Variants in TMEM132C observed in about 807,000 individuals in gnomAD.
The protein encoded by TMEM132C is protein phosphatase 1, regulatory subunit 152.
Under a neutral mutation model 61.4 loss-of-function variants are expected in TMEM132C, and 29 were observed. That is an observed-to-expected ratio of 0.47 (90% CI 0.35 to 0.64). TMEM132C has a LOEUF of 0.64. Ranked by LOEUF, TMEM132C falls within the 30% of genes least tolerant of loss-of-function variation. The pLI is 0.00. For missense variants in TMEM132C, 1,408 were observed against 1,476.9 expected, an observed-to-expected ratio of 0.95 and a Z score of 0.76; for synonymous variants, 656 against 633.1, an observed-to-expected ratio of 1.04 and a Z score of -0.54.
At chr12:128,360,282 C>CA (rs1873661543) in intron 1 of TMEM132C, among the ~76,000 whole-genome samples, 1 of 133,224 alleles carries the variant, frequency 7.5e-6, no homozygotes, top group African/African-American at 2.8e-5. Context: ...ACACACACAC[C>CA]CCAGGATAAC....
At chr12:128,369,085 T>A (rs1048148064) in intron 1 of TMEM132C, among the ~76,000 whole-genome samples, 2 of 152,242 alleles carry the variant, frequency 1.3e-5, no homozygotes, top group Non-Finnish European at 2.9e-5. Context: ...GTAAGTCTAG[T>A]AAGGCATTTA....
chr12:128,383,306 G>A (rs1381212744), intron 1 of TMEM132C, among the ~76,000 whole-genome samples: 2 of 152,170 alleles, frequency 1.3e-5, no homozygotes, highest in Admixed American at 6.5e-5. Flanking sequence ...GTGGGCAAGG[G>A]GTGGATGCAT....
chr12:128,421,725 A>G (rs1263170314), intron 2 of TMEM132C, among the ~76,000 whole-genome samples: 1 of 152,232 alleles, frequency 6.6e-6, no homozygotes, highest in African/African-American at 2.4e-5. Context: ...GGTGTGGAAG[A>G]TGGAACCTTT....
chr12:128,602,411 A>G (rs1163752951), intron 3 of TMEM132C, among the ~76,000 whole-genome samples: 1 of 152,194 alleles, frequency 6.6e-6, no homozygotes, highest in Non-Finnish European at 1.5e-5. Flanking sequence ...TTTCCAGTTG[A>G]AACTTGGTTG....
chr12:128,637,570 G>T (rs1954113672), intron 4 of TMEM132C, among the ~76,000 whole-genome samples: 1 of 152,160 alleles, frequency 6.6e-6, no homozygotes, highest in African/African-American at 2.4e-5. Flanking sequence ...TTTTTAAGTG[G>T]TTTTTATTTT....
At chr12:128,370,850 T>G (rs187450542) in intron 1 of TMEM132C, among the ~76,000 whole-genome samples, 38 of 152,198 alleles carry the variant, frequency 2.5e-4, no homozygotes, top group African/African-American at 8.4e-4. Context: ...ATTCAACTTA[T>G]CCTGCACGGC....
chr12:128,413,314 A>AAAAAC (rs1565928623), intron 1 of TMEM132C, among the ~76,000 whole-genome samples: 3 of 150,768 alleles, frequency 2.0e-5, no homozygotes, highest in Admixed American at 1.3e-4. Flanking sequence ...AAAAAAAAAA[A>AAAAAC]AAAAAAACCA....
chr12:128,270,923 A>G (rs1422509909), intron 1 of TMEM132C, among the ~76,000 whole-genome samples: 1 of 152,008 alleles, frequency 6.6e-6, no homozygotes, highest in Non-Finnish European at 1.5e-5. Context: ...TGTTTTATCC[A>G]TACAATTTTT....
intron 2 of TMEM132C, among the ~76,000 whole-genome samples, chr12:128,538,788 C>T (rs1475414142): frequency 6.6e-6 from 1 of 152,060 alleles, no homozygotes; most frequent in Non-Finnish European, 1.5e-5. Flanking sequence ...TCTCTTTTCT[C>T]CCCCACATAA....
At chr12:128,450,778 CG>C (rs571650737) in intron 2 of TMEM132C, among the ~76,000 whole-genome samples, 66 of 152,254 alleles carry the variant, frequency 4.3e-4, no homozygotes, top group African/African-American at 1.5e-3. Context: ...AAGGCAATTA[CG>C]GAAATTCAAG....
At chr12:128,507,384 C>CTTTTT (rs573964437) in intron 2 of TMEM132C, among the ~76,000 whole-genome samples, 1 of 111,582 alleles carries the variant, frequency 9.0e-6, no homozygotes. Context: ...GTGTTTTTTT[C>CTTTTT]TTTTTTTTTT....
chr12:128,611,734 A>C (rs1364011695), intron 3 of TMEM132C, among the ~76,000 whole-genome samples: 1 of 152,214 alleles, frequency 6.6e-6, no homozygotes, highest in East Asian at 1.9e-4. Flanking sequence ...TAAAAAGTGA[A>C]GGTTCTTATA....
At chr12:128,605,360 C>G (rs1373291919) in intron 3 of TMEM132C, among the ~76,000 whole-genome samples, 2 of 152,184 alleles carry the variant, frequency 1.3e-5, no homozygotes, top group Non-Finnish European at 2.9e-5. Flanking sequence ...TTCCCTCTTA[C>G]TCTGGGGAGA....
At chr12:128,473,505 A>G (rs1208139320) in intron 2 of TMEM132C, among the ~76,000 whole-genome samples, 3 of 133,050 alleles carry the variant, frequency 2.3e-5, no homozygotes, top group Non-Finnish European at 4.7e-5. Flanking sequence ...TCCTTACTCC[A>G]GCCTCCATCT....
At chr12:128,537,128 T>C (rs892374923) in intron 2 of TMEM132C, among the ~76,000 whole-genome samples, 19 of 152,330 alleles carry the variant, frequency 1.2e-4, no homozygotes, top group African/African-American at 4.6e-4. Context: ...AGGGATAGCA[T>C]GATCCCAAGG....
chr12:128,366,195 G>A (rs917372553), intron 1 of TMEM132C, among the ~76,000 whole-genome samples: 15 of 152,270 alleles, frequency 9.9e-5, no homozygotes, highest in South Asian at 2.1e-4. Flanking sequence ...TGTCGCCCGC[G>A]GCTCTCCTCC....
intron 2 of TMEM132C, among the ~76,000 whole-genome samples, chr12:128,505,888 G>C (rs940172705): frequency 1.5e-5 from 2 of 130,864 alleles, no homozygotes; most frequent in African/African-American, 2.9e-5. Flanking sequence ...GGTCAGACCC[G>C]TGGGATTTGG....
At chr12:128,388,639 G>T (rs553754308) in intron 1 of TMEM132C, among the ~76,000 whole-genome samples, 26 of 152,366 alleles carry the variant, frequency 1.7e-4, no homozygotes, top group African/African-American at 6.0e-4. Context: ...TGTGTTCCGG[G>T]TGAGAGAGGG....
chr12:128,409,259 G>A (rs1868440227), intron 1 of TMEM132C, among the ~76,000 whole-genome samples: 1 of 152,116 alleles, frequency 6.6e-6, no homozygotes, highest in African/African-American at 2.4e-5. Flanking sequence ...GTTGATGTCA[G>A]GGATGGTTCA....
Sources: allele counts gnomAD v4.1 joint callset (sites outside exome capture counted in the v4.1 genomes callset), GRCh38; gene constraint gnomAD v4.1.1; transcripts MANE v1.5; gene names NCBI Gene and HGNC (gene_info 2026-07-23, HGNC 2026-07-21).